The following BTC variants were observed in gnomAD, a reference collection of about 807,000 sequenced individuals.
BTC encodes betacellulin, also known as probetacellulin.
BTC carries 13 observed loss-of-function variants against 18.1 expected under a neutral mutation model. The ratio of observed to expected loss-of-function variants is 0.72; its 90% CI spans 0.47 to 1.14. The LOEUF (loss-of-function observed/expected upper bound fraction) is 1.14. BTC is among the 50% of genes most tolerant of loss of function. The pLI, the probability that BTC is intolerant of heterozygous loss-of-function variation, is 0.00. For synonymous variants in BTC, 83 were observed against 79.4 expected (o/e 1.05, Z -0.24); for missense variants, 247 against 224.2 (o/e 1.10, Z -0.65).
intron 2 of BTC, among the ~76,000 whole-genome samples, chr4:74,756,417 T>C (rs1724600745): frequency 6.6e-6 from 1 of 152,218 alleles, no homozygotes; most frequent in African/African-American, 2.4e-5. Context: ...TGTTTGCTTC[T>C]TGTATATTAT....
intron 3 of BTC, among the ~76,000 whole-genome samples, chr4:74,751,620 T>C (rs186927501): frequency 5.8e-4 from 89 of 152,304 alleles, no homozygotes; most frequent in African/African-American, 2.1e-3. Context: ...AATCTGAGAT[T>C]ACAGTTATGC....
chr4:74,781,557 C>T (rs72867592), intron 1 of BTC, among the ~76,000 whole-genome samples: 27,055 of 151,806 alleles, frequency 0.18, 3,993 homozygotes, highest in African/African-American at 0.41. Flanking sequence ...GTTGACTTTC[C>T]CAAATCTTCC....
At chr4:74,782,431 C>A (rs1012798812) in intron 1 of BTC, among the ~76,000 whole-genome samples, 2 of 152,162 alleles carry the variant, frequency 1.3e-5, no homozygotes, top group Non-Finnish European at 2.9e-5. Context: ...AAGACATGAT[C>A]TCATTCCTTT....
chr4:74,788,731 T>A (rs373326038), intron 1 of BTC, among the ~76,000 whole-genome samples: 1 of 152,210 alleles, frequency 6.6e-6, no homozygotes, highest in Non-Finnish European at 1.5e-5. Context: ...AAAAGAGTTA[T>A]GCATTTGGAT....
At chr4:74,759,356 A>G (rs1724688444) in intron 2 of BTC, among the ~76,000 whole-genome samples, 1 of 152,154 alleles carries the variant, frequency 6.6e-6, no homozygotes, top group Non-Finnish European at 1.5e-5. Flanking sequence ...GGTGGGACAC[A>G]ATCGATTTTT....
chr4:74,775,855 T>C (rs1031901857), intron 1 of BTC, among the ~76,000 whole-genome samples: 5 of 152,218 alleles, frequency 3.3e-5, no homozygotes, highest in Admixed American at 3.3e-4. Context: ...ATTTCACTTC[T>C]TCAAGCTAAA....
chr4:74,786,000 G>A (rs1216152276), intron 1 of BTC, among the ~76,000 whole-genome samples: 2 of 152,148 alleles, frequency 1.3e-5, no homozygotes, highest in Non-Finnish European at 2.9e-5. Context: ...AAGATCAAAT[G>A]AGATAATGGG....
intron 4 of BTC, among the ~76,000 whole-genome samples, chr4:74,749,310 C>A (rs1205107505): frequency 6.6e-6 from 1 of 151,552 alleles, no homozygotes; most frequent in Admixed American, 6.6e-5. Flanking sequence ...CCTTGTAATC[C>A]CAGCTACTCA....
chr4:74,753,858 A>G (rs1446416529), intron 3 of BTC, among the ~76,000 whole-genome samples: 4 of 152,176 alleles, frequency 2.6e-5, no homozygotes, highest in Admixed American at 6.5e-5. Flanking sequence ...AAAAAGTGGG[A>G]ACTTTTTATT....
intron 1 of BTC, among the ~76,000 whole-genome samples, chr4:74,771,228 G>A (rs1362993167): frequency 6.6e-6 from 1 of 152,132 alleles, no homozygotes; most frequent in African/African-American, 2.4e-5. Flanking sequence ...GAATTAGCTG[G>A]TCTTGAGTTT....
intron 1 of BTC, 93 bp downstream of exon 1, chr4:74,794,169 G>A: frequency 1.3e-6 from 2 of 1,494,604 alleles, no homozygotes; most frequent in South Asian, 2.4e-5. Context: ...GCGCCCTCTT[G>A]TCCAGATGCC....
chr4:74,754,126 C>A (rs1724535214), intron 3 of BTC, among the ~76,000 whole-genome samples: 1 of 152,144 alleles, frequency 6.6e-6, no homozygotes, highest in Non-Finnish European at 1.5e-5. Context: ...AAAATCTGTG[C>A]CCTGTCTGCT....
chr4:74,745,950 C>T lies in BTC; in HGVS notation c.*727G>A, dbSNP rs561959756. 17 of 152,256 alleles carry T rather than the reference C, an allele frequency of 1.1e-4. No homozygotes were observed. Among genetic ancestry groups the T allele is most frequent in the African/African-American group, 4.1e-4 (17 of 41,538 alleles). The allele number at this position is 152,256 out of a possible 1,614,324, so 9.4% of individuals were successfully genotyped here. ...TAATAAAAGCCAATTCTATAGAAAGCATGATGGTAACAGCAATATAGGCCA... is the reference window on the plus strand; with the variant it reads ...TAATAAAAGCCAATTCTATAGAAAGTATGATGGTAACAGCAATATAGGCCA... On this transcript the variant is annotated 3_prime_UTR_variant, in exon 6 of 6. Transcript: ENST00000395743.
At chr4:74,777,603 C>T (rs369084018) in intron 1 of BTC, among the ~76,000 whole-genome samples, 111 of 152,160 alleles carry the variant, frequency 7.3e-4, no homozygotes, top group African/African-American at 2.5e-3. Context: ...CTGCATGTTC[C>T]TTCTTTCTAA....
chr4:74,769,173 G>T (rs1335508312), intron 2 of BTC, among the ~76,000 whole-genome samples: 2 of 152,082 alleles, frequency 1.3e-5, no homozygotes, highest in African/African-American at 4.8e-5. Context: ...AGTTTCCAGG[G>T]AATACAGGAG....
intron 1 of BTC, among the ~76,000 whole-genome samples, chr4:74,779,234 T>C (rs1725255883): frequency 6.6e-6 from 1 of 152,182 alleles, no homozygotes; most frequent in Non-Finnish European, 1.5e-5. Flanking sequence ...CACAACCTTA[T>C]ATTTTTAAAG....
chr4:74,760,774 G>T (rs985889267), intron 2 of BTC, among the ~76,000 whole-genome samples: 2 of 144,342 alleles, frequency 1.4e-5, no homozygotes, highest in South Asian at 2.2e-4. Context: ...TCACTCTGTC[G>T]CCCAGGCTGG....
In BTC at chr4:74,755,937, C is replaced by T; in HGVS notation, c.203G>A (p.Arg68Lys). 3 of 1,614,138 alleles carry T rather than the reference C, an allele frequency of 1.9e-6. No individual in the cohort carries two copies. The highest frequency in any genetic ancestry group is 2.5e-6 in the Non-Finnish European group (3 of 1,180,026). The change falls in exon 3 of 6, where the codon AGG becomes AAG. Residue 68 changes from arginine to lysine, a missense_variant. Coordinates refer to ENST00000395743, the MANE Select transcript of BTC (RefSeq NM_001729.4). ...TQSKRKGHFS[R>K]CPKQYKHYCI... is the part of the protein sequence containing the mutation. ...GTAATGCTTGTATTGCTTGGGGCAC[C>T]TAGAGAAGTGGCCTTTCCGCTTTGA...
intron 1 of BTC, among the ~76,000 whole-genome samples, chr4:74,782,569 C>A (rs1725361892): frequency 6.6e-6 from 1 of 152,140 alleles, no homozygotes; most frequent in Non-Finnish European, 1.5e-5. Flanking sequence ...CATATGCATG[C>A]ATGTATCTTT....
Sources: gnomAD v4.1 joint callset for allele counts (sites outside exome capture counted in the v4.1 genomes callset) on GRCh38, gnomAD v4.1.1 for gene constraint, MANE v1.5 for transcripts, NCBI Gene and HGNC (gene_info 2026-07-23, HGNC 2026-07-21) for gene names.